CD7: variants seen among roughly 807,000 people sequenced by gnomAD.
The protein encoded by CD7 is T-cell antigen CD7.
In CD7, 19 loss-of-function variants were observed where a neutral mutation model predicts 17.6. That is an observed-to-expected ratio of 1.08 (90% CI 0.75 to 1.58). CD7 has a LOEUF of 1.58. Among genes scored for constraint, CD7 ranks in the 40% most tolerant of loss-of-function variants. The pLI, the probability that CD7 is intolerant of heterozygous loss-of-function variation, is 0.00. For missense variants in CD7, 291 were observed against 327.1 expected, an observed-to-expected ratio of 0.89 and a Z score of 0.85; for synonymous variants, 160 against 159.8, an observed-to-expected ratio of 1.00 and a Z score of -0.01.
In CD7 at chr17:82,317,465, G is replaced by T; in HGVS notation, c.31C>A (p.Pro11Thr). 6.4e-7 allele frequency: 1 copy of T among 1,574,668 alleles called. No homozygotes were observed. The highest frequency in any genetic ancestry group is 8.6e-7 in the Non-Finnish European group (1 of 1,160,766). Residue 11 changes from proline to threonine, a missense_variant, in exon 1 of 4, where the codon CCC becomes ACC. Coordinates refer to ENST00000312648, the MANE Select transcript of CD7 (RefSeq NM_006137.7). ...CCGCGAGCCAGCGCCAGAAGCAGGG[G>T]CAGCAGCAGGAGCCTCGGAGGCCCG... MAGPPRLLLL[P>T]LLLALARGLP... is the part of the protein sequence containing the mutation.
At chr17:82,316,154 C>A (rs764402901) in intron 3 of CD7, 41 bp downstream of exon 3, 1,444 of 1,539,028 alleles carry the variant, frequency 9.4e-4, no homozygotes, top group Non-Finnish European at 1.1e-3. Flanking sequence ...GGAGAGGGAA[C>A]AATCTTTGGG....
At chr17:82,316,521 C>T in intron 2 of CD7, 112 bp from the exon 3 acceptor site, 1 of 1,265,774 alleles carries the variant, frequency 7.9e-7, no homozygotes, top group South Asian at 1.3e-5. Flanking sequence ...GGGCAGCTAT[C>T]TAGGAGGCTG....
chr17:82,316,354 G>A lies in CD7; in HGVS notation c.453C>T (p.Ala151=). Residue 151 remains alanine, a synonymous_variant, in exon 3 of 4, where the codon GCC becomes GCT. Transcript: ENST00000312648. ...CGGAGCCTGTCGGTGGGGCAGGGAG[G>A]GCAGAGGCCCTTGGTGGGGCGTCCG... ...RCSDAPPRAS[A]LPAPPTGSAL... 6.3e-7 allele frequency: 1 copy of A among 1,594,752 alleles called. No homozygotes were observed. The highest frequency in any genetic ancestry group is 8.5e-7 in the Non-Finnish European group (1 of 1,170,742).
Position 82,316,860 on chromosome 17 carries a change from G to A in CD7, c.204C>T (p.Asp68=), listed in dbSNP as rs763145336. 3.1e-6 allele frequency: 5 copies of A among 1,613,864 alleles called. No homozygotes were observed. The South Asian group carries it at 3.3e-5, about 11-fold the overall frequency. The part of the protein sequence containing the change: ...YLRQLGPQPQ[D]IIYYEDGVVP... ...CCACCCCGTCCTCGTAGTAAATGAT[G>A]TCTTGGGGCTGTGGCCCGAGCTGCC... The change falls in exon 2 of 4, where the codon GAC becomes GAT. Residue 68 remains aspartate, a synonymous_variant. Coordinates refer to ENST00000312648, the MANE Select transcript of CD7 (RefSeq NM_006137.7).
At position 82,317,602 on chromosome 17, in the gene CD7, CAG is replaced by C. The variant is rs2052030386; in HGVS notation, c.-109_-108del. 1 of 1,047,976 alleles carries C rather than the reference CAG, an allele frequency of 9.5e-7. No individual in the cohort carries two copies. Among genetic ancestry groups the C allele is most frequent in the African/African-American group, 1.6e-5 (1 of 61,760 alleles). The allele number at this position is 1,047,976 out of a possible 1,614,324, so 64.9% of individuals were successfully genotyped here. A position where few individuals can be genotyped will look rare whatever the true frequency, so the allele number is the denominator to read the frequency against. ...CAGGAGACCGCAGGCGCTCAGAGCT[CAG>C]AGAGGGCTTCCTGGAGGCGGTGCCT... On this transcript the variant is annotated 5_prime_UTR_variant, in exon 1 of 4. Coordinates refer to ENST00000312648, the MANE Select transcript of CD7 (RefSeq NM_006137.7).
At chr17:82,316,101 A>G in intron 3 of CD7, 94 bp downstream of exon 3, 1 of 1,298,046 alleles carries the variant, frequency 7.7e-7, no homozygotes, top group Non-Finnish European at 1.1e-6. Flanking sequence ...GGCGGGTACC[A>G]GGGTTTTCCT....
rs1454796692 is a variant in CD7 at position 82,316,865 on chromosome 17, G to C, written c.199C>G (p.Gln67Glu). The C allele has an allele frequency of 4.0e-5, 64 of 1,613,652 alleles. No homozygotes were observed. The highest frequency in any genetic ancestry group is 5.4e-5 in the Non-Finnish European group (64 of 1,180,002). ...IYLRQLGPQP[Q>E]DIIYYEDGVV... Reference sequence around the variant, plus strand: ...CCGTCCTCGTAGTAAATGATGTCTTGGGGCTGTGGCCCGAGCTGCCTCAGG... The same window carrying C: ...CCGTCCTCGTAGTAAATGATGTCTTCGGGCTGTGGCCCGAGCTGCCTCAGG... Residue 67 changes from glutamine (Q) to glutamate (E), a missense_variant, in exon 2 of 4, where the codon CAA becomes GAA. Physicochemically the swap from Gln to Glu is conservative, Grantham distance 29. Coordinates refer to ENST00000312648, the MANE Select transcript of CD7 (RefSeq NM_006137.7).
chr17:82,317,442 G>T lies in CD7; in HGVS notation c.54C>A (p.Arg18=), dbSNP rs771956071. 6 of 1,566,208 alleles carry T rather than the reference G, an allele frequency of 3.8e-6. No individual in the cohort carries two copies. Among genetic ancestry groups the T allele is most frequent in the Non-Finnish European group, 5.2e-6 (6 of 1,157,032 alleles). ...GGGCAGCCAGGGCCCCAGGCAGGCCGCGAGCCAGCGCCAGAAGCAGGGGCA... is the reference window on the plus strand; with the variant it reads ...GGGCAGCCAGGGCCCCAGGCAGGCCTCGAGCCAGCGCCAGAAGCAGGGGCA... ...LLLPLLLALA[R]GLPGALAAQE... The change falls in exon 1 of 4, where the codon CGC becomes CGA. Residue 18 remains arginine, a synonymous_variant. Transcript: ENST00000312648.
At position 82,316,997 on chromosome 17, in the gene CD7, G is replaced by A; in HGVS notation, c.83-16C>T. 1.3e-6 allele frequency: 2 copies of A among 1,565,608 alleles called. No homozygotes were observed. Among genetic ancestry groups the A allele is most frequent in the Non-Finnish European group, 1.7e-6 (2 of 1,159,132 alleles). On this transcript the variant is annotated splice_polypyrimidine_tract_variant and intron_variant, in intron 1 of 3. Coordinates refer to ENST00000312648, the MANE Select transcript of CD7 (RefSeq NM_006137.7). ...TGCTGCACCTCTGGGGAGGACCTGG[G>A]CTGTCACCATCAGTCTGGCCAGAAG...
intron 1 of CD7, 34 bp from the exon 2 acceptor site, chr17:82,317,015 G>T (rs1411568461): frequency 2.0e-6 from 3 of 1,530,144 alleles, no homozygotes; most frequent in East Asian, 2.3e-5. Flanking sequence ...CATCAGTCTG[G>T]CCAGAAGGAC....
In CD7 at chr17:82,316,837, A is replaced by C; in HGVS notation, c.227T>G (p.Val76Gly). 1 of 1,613,832 alleles carries C rather than the reference A, an allele frequency of 6.2e-7. No individual in the cohort carries two copies. Among genetic ancestry groups the C allele is most frequent in the Non-Finnish European group, 8.5e-7 (1 of 1,179,972 alleles). ...GAACCGTCTGTCCGTAGTGGGCACC[A>C]CCCCGTCCTCGTAGTAAATGATGTC... is the stretch of plus-strand genomic sequence containing the variant. ...PQDIIYYEDGVVPTTDRRFRG... is the reference protein window; with the variant it reads ...PQDIIYYEDGGVPTTDRRFRG... The change falls in exon 2 of 4, where the codon GTG (valine) becomes GGG (glycine). Residue 76 changes from valine to glycine, a missense_variant. Transcript: ENST00000312648.
intron 1 of CD7, 200 bp from the exon 2 acceptor site, chr17:82,317,181 G>A (rs1296427788): frequency 1.5e-5 from 10 of 659,522 alleles, no homozygotes; most frequent in Non-Finnish European, 2.3e-5. Context: ...CTCGTGTTCC[G>A]AGACTGTGGG....
chr17:82,317,490 GGCCATGTTCCCCACACC>G lies in CD7; in HGVS notation c.-12_5del. 6.4e-7 allele frequency: 1 copy of G among 1,566,364 alleles called. No homozygotes were observed. Among genetic ancestry groups the G allele is most frequent in the Non-Finnish European group, 8.6e-7 (1 of 1,156,338 alleles). ...GCAGCAGCAGGAGCCTCGGAGGCCC[GGCCATGTTCCCCACACC>G]CAGCTCTCCCAGCCGGGCGAGTGCA... On this transcript the variant is annotated start_lost and 5_prime_UTR_variant, in exon 1 of 4. Coordinates refer to ENST00000312648, the MANE Select transcript of CD7 (RefSeq NM_006137.7).
chr17:82,316,338 T>C lies in CD7; in HGVS notation c.469A>G (p.Thr157Ala), dbSNP rs2052015009. The C allele has an allele frequency of 6.3e-7, 1 of 1,587,670 alleles. No individual in the cohort carries two copies. Among genetic ancestry groups the C allele is most frequent in the Non-Finnish European group, 8.6e-7 (1 of 1,166,362 alleles). Residue 157 changes from threonine (T) to alanine (A), a missense_variant, in exon 3 of 4, where the codon ACA becomes GCA. Physicochemically the swap from Thr to Ala is moderately conservative, Grantham distance 58. Transcript: ENST00000312648. Reference protein sequence around the residue: ...PRASALPAPPTGSALPDPQTA... With the variant: ...PRASALPAPPAGSALPDPQTA... The stretch of plus-strand genomic sequence containing the variant: ...TGCGGGTCAGGGAGGGCGGAGCCTG[T>C]CGGTGGGGCAGGGAGGGCAGAGGCC...
rs977726079 is a variant in CD7, at chr17:82,316,510, G to A, written c.398-101C>T. On this transcript the variant is annotated intron_variant, in intron 2 of 3. Coordinates refer to ENST00000312648, the MANE Select transcript of CD7 (RefSeq NM_006137.7). ...CAGGGAAAGGCTGTGGAGGGGAGGA[G>A]GGGCAGCTATCTAGGAGGCTGCTGG... 3 of 1,276,794 alleles carry A rather than the reference G, an allele frequency of 2.3e-6. No homozygotes were observed. In the Admixed American group the frequency reaches 6.3e-5, roughly 27 times the overall value. 79.1% of individuals were successfully genotyped at this position (1,276,794 alleles called of 1,614,324 possible).
At chr17:82,315,976 C>T (rs1349123311) in intron 3 of CD7, 5 of 657,212 alleles carry the variant, frequency 7.6e-6, no homozygotes, top group African/African-American at 3.7e-5. Flanking sequence ...CACGCGCACA[C>T]GCGGGCCCAG....
chr17:82,314,985 A>C lies in CD7; in HGVS notation c.*336T>G. ...CCTGCTGGTGGGTGGGCCGGCACTG[A>C]CAGGAGAGGGCCGCGTGCCCAGGCC... is the stretch of plus-strand genomic sequence containing the variant. On this transcript the variant is annotated 3_prime_UTR_variant, in exon 4 of 4. Transcript: ENST00000312648. The surrounding 1 kb of genome is among the most constrained non-coding windows in gnomAD (Gnocchi z 6.0). 1 of 286,466 alleles carries C rather than the reference A, an allele frequency of 3.5e-6. No homozygotes were observed. Among genetic ancestry groups the C allele is most frequent in the Non-Finnish European group, 7.0e-6 (1 of 142,454 alleles). 17.7% of individuals were successfully genotyped at this position (286,466 alleles called of 1,614,324 possible). A position where few individuals can be genotyped will look rare whatever the true frequency, so the allele number is the denominator to read the frequency against.
chr17:82,315,145 C>T lies in CD7; in HGVS notation c.*176G>A, dbSNP rs907930677. ...GGCATCATTGTCCACTGAGAAGCAC[C>T]GTGGGGCCTGGCCACTGCCTGTGTG... On this transcript the variant is annotated 3_prime_UTR_variant, in exon 4 of 4. Transcript: ENST00000312648. The T allele has an allele frequency of 1.2e-5, 7 of 591,992 alleles. No homozygotes were observed. Among genetic ancestry groups the T allele is most frequent in the Admixed American group, 5.4e-5 (2 of 36,956 alleles). The allele number at this position is 591,992 out of a possible 1,614,324, so 36.7% of individuals were successfully genotyped here.
Position 82,316,686 on chromosome 17 carries a change from G to T in CD7, c.378C>A (p.Gly126=). 6.2e-7 allele frequency: 1 copy of T among 1,612,348 alleles called. No homozygotes were observed. The change falls in exon 2 of 4, where the codon GGC becomes GGA. Residue 126 remains glycine, a synonymous_variant. Coordinates refer to ENST00000312648, the MANE Select transcript of CD7 (RefSeq NM_006137.7). ...AITEVNVYGS[G]TLVLVTEEQS... ...CCCTACCTGTCACCAGGACCAGGGT[G>T]CCGGAGCCGTAGACATTGACCTCCG...
Sources: allele counts gnomAD v4.1 joint callset, GRCh38; gene constraint gnomAD v4.1.1; non-coding constraint Gnocchi (gnomAD v3.1); transcripts MANE v1.5; gene names NCBI Gene and HGNC (gene_info 2026-07-23, HGNC 2026-07-21).